The following APC variants were observed in gnomAD, a reference collection of about 807,000 sequenced individuals.
APC encodes APC regulator of Wnt signaling pathway, also known as adenomatous polyposis coli protein.
APC carries 72 observed loss-of-function variants against 247.0 expected under a neutral mutation model. That is an observed-to-expected ratio of 0.29 (90% CI 0.24 to 0.35). APC has a LOEUF of 0.35. APC is among the 10% of genes least tolerant of loss of function. The pLI, the probability that APC is intolerant of heterozygous loss-of-function variation, is 1.00. For missense variants in APC, 3,400 were observed against 3,360.7 expected (o/e 1.01, Z -0.29); for synonymous variants, 1,254 against 1,162.5 (o/e 1.08, Z -1.60).
intron 1 of APC, among the ~76,000 whole-genome samples, chr5:112,729,710 T>G (rs1561411519): frequency 1.3e-5 from 2 of 152,236 alleles, no homozygotes; most frequent in Non-Finnish European, 2.9e-5. Context: ...GATTTTAAGG[T>G]CAGCTAACTA....
At position 112,767,369 on chromosome 5, in the gene APC, TAGA is replaced by T. The variant is rs2149789854; in HGVS notation, c.406_408del (p.Glu136del). 6.2e-7 allele frequency: 1 copy of T among 1,614,030 alleles called. No individual in the cohort carries two copies. The highest frequency in any genetic ancestry group is 8.5e-7 in the Non-Finnish European group (1 of 1,179,894). On this transcript the variant is annotated inframe_deletion, in exon 4 of 16. Transcript: ENST00000257430. ...GGAAGCAGAGAAAGTACTGGATATT[TAGA>T]AGAACTTGAGAAAGAGAGGTAACTT...
Position 112,841,584 on chromosome 5 carries a change from G to A in APC, c.5990G>A (p.Gly1997Glu), listed in dbSNP as rs771811726. The A allele has an allele frequency of 6.2e-7, 1 of 1,613,830 alleles. No homozygotes were observed. The highest frequency in any genetic ancestry group is 1.1e-5 in the South Asian group (1 of 91,056). ...IKETEPPDSQ[G>E]EPSKPQASGY... ...GAGACTGAGCCCCCTGACTCACAGG[G>A]AGAACCAAGTAAACCTCAAGCATCA... is the stretch of plus-strand genomic sequence containing the variant. The change falls in exon 16 of 16, where the codon GGA becomes GAA. Residue 1997 changes from glycine to glutamate, a missense_variant. Transcript: ENST00000257430. The surrounding 1 kb of genome is among the most constrained non-coding windows in gnomAD (Gnocchi z 4.6).
intron 1 of APC, among the ~76,000 whole-genome samples, chr5:112,719,043 G>A (rs1033834571): frequency 2.0e-5 from 3 of 152,186 alleles, no homozygotes; most frequent in Non-Finnish European, 2.9e-5. Context: ...TTGTATGTGA[G>A]TAGTGCCTTA....
intron 8 of APC, among the ~76,000 whole-genome samples, chr5:112,807,976 G>A (rs1761589569): frequency 6.6e-6 from 1 of 152,050 alleles, no homozygotes; most frequent in African/African-American, 2.4e-5. Context: ...CCAACATGGT[G>A]AAACCCTGTC....
chr5:112,734,793 GT>G (rs71224873), upstream of APC, among the ~76,000 whole-genome samples: 368 of 41,868 alleles, frequency 8.8e-3, 4 homozygotes, highest in African/African-American at 0.021. Context: ...GTGTGTGTGT[GT>G]TTTTTTTTTT....
chr5:112,780,713 T>TA, intron 5 of APC, 77 bp from the exon 6 acceptor site: 1 of 1,006,854 alleles, frequency 9.9e-7, no homozygotes, highest in Non-Finnish European at 1.5e-6. Flanking sequence ...TCTTTATTGG[T>TA]TCTTATATGC....
chr5:112,842,537 C>T lies in APC; in HGVS notation c.6943C>T (p.Gln2315Ter). 6.2e-7 allele frequency: 1 copy of T among 1,614,066 alleles called. No individual in the cohort carries two copies. Among genetic ancestry groups the T allele is most frequent in the Non-Finnish European group, 8.5e-7 (1 of 1,179,960 alleles). ...RDSTPSRPAQ[Q>*]PLSRPIQSPG... ...TTCGACCCCTTCAAGACCTGCCCAG[C>T]AACCATTAAGTAGACCTATACAGTC... The change falls in exon 16 of 16, where the codon CAA (glutamine) becomes TAA (stop). Residue 2315 changes from glutamine to a stop codon, truncating the protein, a stop_gained. Transcript: ENST00000257430. LOFTEE classifies it high-confidence loss of function.
In APC at chr5:112,707,603, T is replaced by C. The variant is rs1580996349; in HGVS notation, c.-115T>C. The C allele has an allele frequency of 8.6e-7, 1 of 1,160,732 alleles. No individual in the cohort carries two copies. Among genetic ancestry groups the C allele is most frequent in the Non-Finnish European group, 1.2e-6 (1 of 862,692 alleles). 71.9% of individuals were successfully genotyped at this position (1,160,732 alleles called of 1,614,324 possible). A position where few individuals can be genotyped will look rare whatever the true frequency, so the allele number is the denominator to read the frequency against. On this transcript the variant is annotated 5_prime_UTR_variant, in exon 1 of 14. Coordinates refer to the APC transcript ENST00000507379. ...CGCTGCTCGGGGGGGACCTGCGGGCTCAGGCCCGGGAGCTGCGGACCGAGG... is the reference window on the plus strand; with the variant it reads ...CGCTGCTCGGGGGGGACCTGCGGGCCCAGGCCCGGGAGCTGCGGACCGAGG...
chr5:112,800,920 C>T (rs1370455190), intron 7 of APC, among the ~76,000 whole-genome samples: 1 of 151,980 alleles, frequency 6.6e-6, no homozygotes, highest in African/African-American at 2.4e-5. Context: ...GTATTTGCAG[C>T]TCCATTAAAT....
At chr5:112,709,578 A>G (rs1581001142) in intron 1 of APC, among the ~76,000 whole-genome samples, 2 of 152,314 alleles carry the variant, frequency 1.3e-5, no homozygotes, top group East Asian at 1.9e-4. Flanking sequence ...CTCTGTATCA[A>G]AAAACATCTG....
Position 112,828,922 on chromosome 5 carries a change from G to A in APC, c.1693G>A (p.Glu565Lys), listed in dbSNP as rs890665991. The A allele has an allele frequency of 5.6e-6, 9 of 1,613,968 alleles. No individual in the cohort carries two copies. The highest frequency in any genetic ancestry group is 6.8e-6 in the Non-Finnish European group (8 of 1,179,902). ...TGTAAATAGTAAAAAGACGTTGCGAGAAGTTGGAAGTGTGAAAGCATTGAT... is the reference window on the plus strand; with the variant it reads ...TGTAAATAGTAAAAAGACGTTGCGAAAAGTTGGAAGTGTGAAAGCATTGAT... ...ADVNSKKTLR[E>K]VGSVKALMEC... Residue 565 changes from glutamate to lysine, a missense_variant, in exon 14 of 16, where the codon GAA (glutamate) becomes AAA (lysine). By Grantham distance (56) the Glu-to-Lys change is moderately conservative. Coordinates refer to ENST00000257430, the MANE Select transcript of APC (RefSeq NM_000038.6).
At chr5:112,790,674 G>A (rs529766311) in intron 6 of APC, among the ~76,000 whole-genome samples, 2 of 152,224 alleles carry the variant, frequency 1.3e-5, no homozygotes, top group Admixed American at 6.5e-5. Context: ...CATAAGACTG[G>A]ATGATAGCAG....
At position 112,821,997 on chromosome 5, in the gene APC, A is replaced by C. The variant is rs1257598835; in HGVS notation, c.1408+6A>C. 7.5e-6 allele frequency: 12 copies of C among 1,591,802 alleles called. No individual in the cohort carries two copies. The highest frequency in any genetic ancestry group is 1.0e-5 in the Non-Finnish European group (12 of 1,160,890). ...ACATGCAATGAATGAACTAGGTAAG[A>C]CAAAAATGTTTTTTAATGACATAGA... On this transcript the variant is annotated splice_donor_region_variant and intron_variant, in intron 11 of 15. Transcript: ENST00000257430.
chr5:112,776,014 C>T (rs548949696), intron 5 of APC, among the ~76,000 whole-genome samples: 61 of 152,256 alleles, frequency 4.0e-4, no homozygotes, highest in Admixed American at 2.6e-4. Flanking sequence ...AACTAGGCAA[C>T]TAGTTTTTTA....
intron 8 of APC, among the ~76,000 whole-genome samples, chr5:112,812,100 G>A (rs1347762653): frequency 1.4e-4 from 22 of 152,128 alleles, no homozygotes; most frequent in Admixed American, 1.0e-3. Flanking sequence ...TGGAAGACAC[G>A]TCTTTGTAAC....
At chr5:112,713,296 T>A (rs560713225) in intron 1 of APC, among the ~76,000 whole-genome samples, 1 of 152,334 alleles carries the variant, frequency 6.6e-6, no homozygotes, top group East Asian at 1.9e-4. Context: ...TTGGCTATCC[T>A]TAGCATGCTT....
chr5:112,754,258 A>G (rs149187386), intron 1 of APC, among the ~76,000 whole-genome samples: 79 of 152,348 alleles, frequency 5.2e-4, no homozygotes, highest in African/African-American at 1.8e-3. Context: ...ATTCTTATTT[A>G]CCATCTTCCT....
intron 1 of APC, among the ~76,000 whole-genome samples, chr5:112,753,320 C>T (rs1285140247): frequency 6.6e-6 from 1 of 152,046 alleles, no homozygotes; most frequent in Non-Finnish European, 1.5e-5. Flanking sequence ...GAGGAGGGGT[C>T]TTAACTATGG....
chr5:112,841,217 T>C lies in APC; in HGVS notation c.5623T>C (p.Ser1875Pro), dbSNP rs1174598178. 6.2e-7 allele frequency: 1 copy of C among 1,613,768 alleles called. No individual in the cohort carries two copies. The highest frequency in any genetic ancestry group is 8.5e-7 in the Non-Finnish European group (1 of 1,179,882). The change falls in exon 16 of 16, where the codon TCC becomes CCC. Residue 1875 changes from serine to proline, a missense_variant. Coordinates refer to ENST00000257430, the MANE Select transcript of APC (RefSeq NM_000038.6). This position sits in a 1 kb window ranked among gnomAD's most constrained non-coding sequence, Gnocchi z 4.6. Reference protein sequence around the residue: ...LDFDDDDVDLSREKAELRKAK... With the variant: ...LDFDDDDVDLPREKAELRKAK... ...TTTTGATGATGATGATGTTGACCTT[T>C]CCAGGGAAAAGGCTGAATTAAGAAA...
Sources: allele counts gnomAD v4.1 joint callset (sites outside exome capture counted in the v4.1 genomes callset), GRCh38; gene constraint gnomAD v4.1.1; non-coding constraint Gnocchi (gnomAD v3.1); transcripts MANE v1.5; gene names NCBI Gene and HGNC (gene_info 2026-07-23, HGNC 2026-07-21).